Variants in MPPED2 observed in about 807,000 individuals in gnomAD.
MPPED2 encodes the protein metallophosphoesterase domain containing 2.
MPPED2 carries 5 observed loss-of-function variants against 33.0 expected under a neutral mutation model. The ratio of observed to expected loss-of-function variants is 0.15; its 90% confidence interval spans 0.08 to 0.32. The LOEUF is 0.32. Ranked by LOEUF, MPPED2 falls within the 10% of genes least tolerant of loss-of-function variation. MPPED2 has a pLI of 1.00. For synonymous variants in MPPED2, 136 were observed against 141.9 expected, an observed-to-expected ratio of 0.96 and a Z score of 0.29; for missense variants, 275 against 372.1, an observed-to-expected ratio of 0.74 and a Z score of 2.15.
chr11:30,540,459 A>G (rs1955036659), intron 2 of MPPED2, among the ~76,000 whole-genome samples: 1 of 152,230 alleles, frequency 6.6e-6, no homozygotes. Context: ...ATAAAAAATG[A>G]TAATGTACTC....
intron 4 of MPPED2, among the ~76,000 whole-genome samples, chr11:30,490,910 G>C (rs951356686): frequency 2.0e-5 from 3 of 152,094 alleles, no homozygotes; most frequent in African/African-American, 7.2e-5. Flanking sequence ...GTCTGATGGC[G>C]ATTACTTTTG....
chr11:30,585,304 G>T (rs535282907), intron 1 of MPPED2, among the ~76,000 whole-genome samples: 1 of 152,056 alleles, frequency 6.6e-6, no homozygotes, highest in Non-Finnish European at 1.5e-5. Context: ...CTGCGAGCGC[G>T]GAGACCCAGG....
intron 4 of MPPED2, among the ~76,000 whole-genome samples, chr11:30,451,423 G>A (rs1426239574): frequency 6.6e-6 from 1 of 152,200 alleles, no homozygotes; most frequent in African/African-American, 2.4e-5. Context: ...CTCAGACTGA[G>A]GGATGTGGTC....
intron 3 of MPPED2, among the ~76,000 whole-genome samples, chr11:30,514,553 G>A (rs929227375): frequency 1.3e-5 from 2 of 151,962 alleles, no homozygotes; most frequent in African/African-American, 4.8e-5. Context: ...TTCTTACAGC[G>A]TTTTGTTTCT....
At chr11:30,427,894 A>T (rs1948911056) in intron 4 of MPPED2, among the ~76,000 whole-genome samples, 2 of 151,992 alleles carry the variant, frequency 1.3e-5, no homozygotes, top group Admixed American at 1.3e-4. Context: ...TCAATGTAAA[A>T]CTCTCCAGAT....
chr11:30,402,861 A>G (rs1947927808), intron 6 of MPPED2, among the ~76,000 whole-genome samples: 1 of 152,252 alleles, frequency 6.6e-6, no homozygotes, highest in Admixed American at 6.5e-5. Flanking sequence ...CAGAACACAG[A>G]TTCCATTCAT....
intron 3 of MPPED2, among the ~76,000 whole-genome samples, chr11:30,511,412 A>G (rs1953185348): frequency 6.6e-6 from 1 of 152,238 alleles, no homozygotes; most frequent in Non-Finnish European, 1.5e-5. Context: ...CAAGGAAGAG[A>G]ATTAGCAGGT....
At chr11:30,539,545 A>T (rs957433095) in intron 2 of MPPED2, among the ~76,000 whole-genome samples, 2 of 152,184 alleles carry the variant, frequency 1.3e-5, no homozygotes, top group African/African-American at 4.8e-5. Flanking sequence ...TTTACATGAC[A>T]TCTGAATCTC....
chr11:30,457,799 CA>C (rs1950342325), intron 4 of MPPED2, among the ~76,000 whole-genome samples: 1 of 152,132 alleles, frequency 6.6e-6, no homozygotes, highest in African/African-American at 2.4e-5. Flanking sequence ...GAATTAGTAA[CA>C]AGAGTCATCT....
intron 6 of MPPED2, among the ~76,000 whole-genome samples, chr11:30,401,919 G>T (rs188390399): frequency 1.3e-5 from 2 of 150,504 alleles, no homozygotes; most frequent in East Asian, 3.9e-4. Flanking sequence ...GGATGGTCTC[G>T]ATCTCCTGAC....
chr11:30,541,960 A>C (rs1348081267), intron 2 of MPPED2, among the ~76,000 whole-genome samples: 1 of 152,216 alleles, frequency 6.6e-6, no homozygotes, highest in East Asian at 1.9e-4. Context: ...GAAAATTTAG[A>C]TAGCATTAAT....
rs141851059 is a variant in MPPED2, at chr11:30,563,283, A to T, written c.128+16963T>A. 4.0e-3 allele frequency among the ~76,000 whole-genome samples: 613 copies of T among 152,260 alleles called. 5 individuals are homozygous for T. The highest frequency in any genetic ancestry group is 0.027 in the Middle Eastern group (8 of 294). On this transcript the variant is annotated intron_variant, in intron 2 of 6. Transcript: ENST00000358117. ...TGGGGGTATGAGGGGGTACGTTTCA[A>T]GATGAAACTGGTCCACCTCAGATCA...
chr11:30,505,851 G>C (rs1952799980), intron 3 of MPPED2, among the ~76,000 whole-genome samples: 1 of 152,082 alleles, frequency 6.6e-6, no homozygotes, highest in South Asian at 2.1e-4. Context: ...TCCTGCTTCT[G>C]TCACTTATTA....
chr11:30,564,390 C>A (rs1956356034), intron 2 of MPPED2, among the ~76,000 whole-genome samples: 1 of 152,114 alleles, frequency 6.6e-6, no homozygotes, highest in African/African-American at 2.4e-5. Context: ...TTACTACGTC[C>A]CCAGAAAATT....
chr11:30,581,314 T>C (rs887048793), intron 1 of MPPED2, among the ~76,000 whole-genome samples: 1 of 152,230 alleles, frequency 6.6e-6, no homozygotes, highest in African/African-American at 2.4e-5. Context: ...TTGGTTTCAT[T>C]TTTTAAAATT....
chr11:30,475,722 A>G (rs1325214735), intron 4 of MPPED2, among the ~76,000 whole-genome samples: 2 of 152,116 alleles, frequency 1.3e-5, no homozygotes, highest in Non-Finnish European at 1.5e-5. Context: ...ATATTTGTGT[A>G]CAAGTCTTTA....
chr11:30,535,898 G>T, intron 3 of MPPED2, 96 bp downstream of exon 3: 1 of 1,022,168 alleles, frequency 9.8e-7, no homozygotes, highest in African/African-American at 1.6e-5. Context: ...AAATGGCTGA[G>T]CTGGCTTCCA....
intron 4 of MPPED2, among the ~76,000 whole-genome samples, chr11:30,466,662 G>C (rs989523964): frequency 6.6e-6 from 1 of 152,232 alleles, no homozygotes; most frequent in African/African-American, 2.4e-5. Context: ...AAGGGGCAGT[G>C]ATGCAAATGA....
At chr11:30,444,964 T>C (rs1414471228) in intron 4 of MPPED2, among the ~76,000 whole-genome samples, 5 of 152,222 alleles carry the variant, frequency 3.3e-5, no homozygotes, top group Non-Finnish European at 7.3e-5. Context: ...ACAGGACATA[T>C]GGCAATTTCT....
Sources: gnomAD v4.1 joint callset for allele counts (sites outside exome capture counted in the v4.1 genomes callset) on GRCh38, gnomAD v4.1.1 for gene constraint, MANE v1.5 for transcripts, NCBI Gene and HGNC (gene_info 2026-07-23, HGNC 2026-07-21) for gene names.